Variants in RAB8B observed in about 807,000 individuals in gnomAD.
The protein encoded by RAB8B is ras-related protein Rab-8B.
A neutral mutation model predicts 32.0 loss-of-function variants in RAB8B; 11 were observed. The ratio of observed to expected loss-of-function variants is 0.34; its 90% CI spans 0.22 to 0.57. The LOEUF is 0.57. RAB8B is among the 20% of genes least tolerant of loss of function. RAB8B has a pLI of 0.86. For missense variants in RAB8B, 190 were observed against 258.5 expected (o/e 0.73, Z 1.82); for synonymous variants, 103 against 89.6 (o/e 1.15, Z -0.85).
chr15:63,238,636 G>A (rs1358658408), intron 1 of RAB8B, among the ~76,000 whole-genome samples: 1 of 152,032 alleles, frequency 6.6e-6, no homozygotes, highest in Non-Finnish European at 1.5e-5. Flanking sequence ...AATGAGATAG[G>A]TTTGAGTATT....
In RAB8B at chr15:63,223,850, C is replaced by T. The variant is rs117514522; in HGVS notation, c.125-20906C>T. 7.9e-5 allele frequency: 34 copies of T among 430,260 alleles called. No individual in the cohort carries two copies. In the East Asian group the frequency reaches 1.8e-3, roughly 23 times the overall value. The allele number at this position is 430,260 out of a possible 1,614,324, so 26.7% of individuals were successfully genotyped here. On this transcript the variant is annotated intron_variant, in intron 1 of 7. Coordinates refer to ENST00000321437, the MANE Select transcript of RAB8B (RefSeq NM_016530.3). ...CTTTATATTGTTTTCTTCTATAGTG[C>T]GGCCTCACATAGAGGAATAAAAACA...
At position 63,189,852 on chromosome 15, in the gene RAB8B, C is replaced by T. The variant is rs1189390409; in HGVS notation, c.124+104C>T. 3.1e-6 allele frequency: 4 copies of T among 1,278,698 alleles called. No individual in the cohort carries two copies. The South Asian group carries it at 4.4e-5, about 14-fold the overall frequency. 79.2% of individuals were successfully genotyped at this position (1,278,698 alleles called of 1,614,324 possible). On this transcript the variant is annotated intron_variant, in intron 1 of 7. Transcript: ENST00000321437. ...GCTTGGGAGCCCGGGAGAGGAGACC[C>T]CGGGGACTGCAAGGTGGCGGGGGCA...
At chr15:63,219,164 G>A (rs957370180) in intron 1 of RAB8B, among the ~76,000 whole-genome samples, 2 of 151,898 alleles carry the variant, frequency 1.3e-5, no homozygotes, top group South Asian at 2.1e-4. Flanking sequence ...CCGGGGTGGT[G>A]GCACGCGCCT....
chr15:63,244,490 A>G (rs890725476), intron 1 of RAB8B, among the ~76,000 whole-genome samples: 1 of 152,216 alleles, frequency 6.6e-6, no homozygotes, highest in African/African-American at 2.4e-5. Flanking sequence ...TCTAAATTAT[A>G]TAACTTTGCA....
At chr15:63,194,561 A>T (rs2037585423) in intron 1 of RAB8B, among the ~76,000 whole-genome samples, 2 of 152,212 alleles carry the variant, frequency 1.3e-5, no homozygotes, top group African/African-American at 4.8e-5. Context: ...ACATTAGGAG[A>T]TCAAAGTGTA....
rs76209903 is a variant in RAB8B at position 63,243,368 on chromosome 15, C to T, written c.125-1388C>T. Among the ~76,000 whole-genome samples, 13 of 152,302 alleles carry T rather than the reference C, an allele frequency of 8.5e-5. No individual in the cohort carries two copies. In the East Asian group the frequency reaches 1.5e-3, roughly 18 times the overall value. ...ACAAAGCTGAGTAGCCAGATGATGA[C>T]GATTTAGCAAATTGCAACTAAGTTG... On this transcript the variant is annotated intron_variant, in intron 1 of 7. Transcript: ENST00000321437.
intron 1 of RAB8B, among the ~76,000 whole-genome samples, chr15:63,222,189 C>T (rs146242612): frequency 1.6e-4 from 25 of 152,320 alleles, no homozygotes; most frequent in African/African-American, 5.8e-4. Context: ...CTTTAGTTCT[C>T]ACTGGACAGG....
chr15:63,262,781 C>A, intron 7 of RAB8B, 39 bp downstream of exon 7: 3 of 1,110,904 alleles, frequency 2.7e-6, no homozygotes, highest in Admixed American at 3.4e-5. Flanking sequence ...ATTATGCTGT[C>A]TGTTTGGCAT....
intron 7 of RAB8B, 42 bp downstream of exon 7, chr15:63,262,784 T>C: frequency 9.4e-7 from 1 of 1,069,474 alleles, no homozygotes; most frequent in East Asian, 3.1e-5. Context: ...ATGCTGTCTG[T>C]TTGGCATTTG....
In RAB8B at chr15:63,248,559, T is replaced by C. The variant is rs568511876; in HGVS notation, c.186-1086T>C. 1.3e-5 allele frequency among the ~76,000 whole-genome samples: 2 copies of C among 152,248 alleles called. No individual in the cohort carries two copies. The highest frequency in any genetic ancestry group is 2.9e-5 in the Non-Finnish European group (2 of 67,998). On this transcript the variant is annotated intron_variant, in intron 2 of 7. Coordinates refer to ENST00000321437, the MANE Select transcript of RAB8B (RefSeq NM_016530.3). The surrounding 1 kb of genome is among the most constrained non-coding windows in gnomAD (Gnocchi z 4.4). Reference sequence around the variant, plus strand: ...AAATACATAAAGAATATGAGCTGTTTAGTGGCACAGCTGGGGCCATAGTTC... The same window carrying C: ...AAATACATAAAGAATATGAGCTGTTCAGTGGCACAGCTGGGGCCATAGTTC...
chr15:63,252,617 T>G (rs768737579), intron 3 of RAB8B, among the ~76,000 whole-genome samples: 1 of 152,240 alleles, frequency 6.6e-6, no homozygotes, highest in Non-Finnish European at 1.5e-5. Flanking sequence ...ATTTTAATAT[T>G]GTAGGCAGCC....
At chr15:63,220,239 G>A (rs749889931) in intron 1 of RAB8B, among the ~76,000 whole-genome samples, 2 of 152,056 alleles carry the variant, frequency 1.3e-5, no homozygotes, top group African/African-American at 2.4e-5. Context: ...AGAACCTTTC[G>A]TTCTATTTCA....
At chr15:63,227,792 G>T (rs2037901108) in intron 1 of RAB8B, among the ~76,000 whole-genome samples, 1 of 152,164 alleles carries the variant, frequency 6.6e-6, no homozygotes, top group Non-Finnish European at 1.5e-5. Flanking sequence ...TGTTCACCAA[G>T]GCTGCTTTTG....
chr15:63,236,607 G>C (rs1458176228), intron 1 of RAB8B, among the ~76,000 whole-genome samples: 1 of 151,764 alleles, frequency 6.6e-6, no homozygotes, highest in Non-Finnish European at 1.5e-5. Context: ...AATACAAAAA[G>C]TCTTTTAAAA....
rs1179299285 is a variant in RAB8B at position 63,263,587 on chromosome 15, A to G, written c.592A>G (p.Lys198Glu). ...PVKITENRSK[K>E]TSFFRCSLL ...GAAAATAACAGAAAACCGATCAAAG[A>G]AGACCAGTTTCTTTCGTTGCTCGCT... The change falls in exon 8 of 8, where the codon AAG (lysine) becomes GAG (glutamate). Residue 198 changes from lysine (K) to glutamate (E), a missense_variant. Transcript: ENST00000321437. 1 of 1,612,488 alleles carries G rather than the reference A, an allele frequency of 6.2e-7. No individual in the cohort carries two copies. The highest frequency in any genetic ancestry group is 8.5e-7 in the Non-Finnish European group (1 of 1,178,442).
intron 1 of RAB8B, among the ~76,000 whole-genome samples, chr15:63,201,169 T>C (rs1446453324): frequency 6.6e-6 from 1 of 152,180 alleles, no homozygotes; most frequent in Non-Finnish European, 1.5e-5. Context: ...TCAACACTTT[T>C]TGGTCTGCAA....
chr15:63,238,666 G>T (rs373857095), intron 1 of RAB8B, among the ~76,000 whole-genome samples: 6 of 152,078 alleles, frequency 3.9e-5, no homozygotes, highest in East Asian at 1.9e-4. Context: ...ATATATAATA[G>T]GTATATAATA....
intron 1 of RAB8B, among the ~76,000 whole-genome samples, chr15:63,205,902 T>G (rs1365132736): frequency 3.9e-5 from 6 of 152,180 alleles, no homozygotes; most frequent in Non-Finnish European, 2.9e-5. Context: ...GTAAAAGCAG[T>G]GAAATGTGCC....
chr15:63,227,434 T>A (rs778547135), intron 1 of RAB8B, among the ~76,000 whole-genome samples: 1 of 110,058 alleles, frequency 9.1e-6, no homozygotes, highest in Non-Finnish European at 1.9e-5. Flanking sequence ...TTTTTCGTGT[T>A]AGTAACTTAG....
Sources: allele counts gnomAD v4.1 joint callset (sites outside exome capture counted in the v4.1 genomes callset), GRCh38; gene constraint gnomAD v4.1.1; non-coding constraint Gnocchi (gnomAD v3.1); transcripts MANE v1.5; gene names NCBI Gene and HGNC (gene_info 2026-07-23, HGNC 2026-07-21).